The following MCC variants were observed in gnomAD, a reference collection of about 807,000 sequenced individuals.
MCC encodes the protein MCC regulator of Wnt signaling pathway.
Under a neutral mutation model 116.2 loss-of-function variants are expected in MCC, and 90 were observed. The observed-to-expected ratio is 0.77, with a 90% CI of 0.65 to 0.92. The LOEUF (loss-of-function observed/expected upper bound fraction) is 0.92. MCC is among the 40% of genes least tolerant of loss of function. The pLI is 0.00. For synonymous variants in MCC, 578 were observed against 510.5 expected (o/e 1.13, Z -1.78); for missense variants, 1,516 against 1,312.2 (o/e 1.16, Z -2.40).
chr5:113,030,385 A>C (rs1750871312), intron 17 of MCC, among the ~76,000 whole-genome samples: 1 of 152,174 alleles, frequency 6.6e-6, no homozygotes, highest in Non-Finnish European at 1.5e-5. Context: ...TATTTTTAAA[A>C]TGCAGATGGA....
In MCC at chr5:113,053,748, T is replaced by G. The variant is rs758707911; in HGVS notation, c.2425A>C (p.Met809Leu). The G allele has an allele frequency of 2.7e-5, 43 of 1,611,936 alleles. No homozygotes were observed. The highest frequency in any genetic ancestry group is 1.6e-4 in the Middle Eastern group (1 of 6,076). ...QRLDLENAVLMQELMAMKEEM... is the reference protein window; with the variant it reads ...QRLDLENAVLLQELMAMKEEM... Reference sequence around the variant, plus strand: ...ACCTTCATGGCCATGAGCTCCTGCATAAGCACTGCGTTTTCCAGATCCAGC... The same window carrying G: ...ACCTTCATGGCCATGAGCTCCTGCAGAAGCACTGCGTTTTCCAGATCCAGC... Residue 809 changes from methionine to leucine, a missense_variant, in exon 15 of 19, where the codon ATG becomes CTG. By Grantham distance (15) the Met-to-Leu change is conservative (BLOSUM62 2). Coordinates refer to ENST00000408903, the MANE Select transcript of MCC (RefSeq NM_001085377.2).
At chr5:113,233,543 T>C (rs560617302) in intron 3 of MCC, among the ~76,000 whole-genome samples, 2 of 152,178 alleles carry the variant, frequency 1.3e-5, no homozygotes, top group Non-Finnish European at 2.9e-5. Context: ...AACAATCTAA[T>C]GATTGAGAAA....
At position 113,234,561 on chromosome 5, in the gene MCC, T is replaced by C. The variant is rs1176022509; in HGVS notation, c.628-83139A>G. ...GGGAAGCCCCCCTAGACGGGCTTTTTACTAAACCCAAATCCCTCAAAAGAG... is the reference window on the plus strand; with the variant it reads ...GGGAAGCCCCCCTAGACGGGCTTTTCACTAAACCCAAATCCCTCAAAAGAG... On this transcript the variant is annotated intron_variant, in intron 3 of 18. Coordinates refer to ENST00000408903, the MANE Select transcript of MCC (RefSeq NM_001085377.2). 2.0e-5 allele frequency: 3 copies of C among 152,204 alleles called. No individual in the cohort carries two copies. In the East Asian group the frequency reaches 5.8e-4, roughly 29 times the overall value. 9.4% of individuals were successfully genotyped at this position (152,204 alleles called of 1,614,324 possible).
chr5:113,067,094 T>C (rs766973210), intron 13 of MCC, among the ~76,000 whole-genome samples: 1 of 152,182 alleles, frequency 6.6e-6, no homozygotes, highest in Non-Finnish European at 1.5e-5. Flanking sequence ...ATGCTGCCGC[T>C]TCCTAGAATG....
intron 3 of MCC, among the ~76,000 whole-genome samples, chr5:113,277,062 G>T (rs1490014940): frequency 6.6e-6 from 1 of 151,948 alleles, no homozygotes; most frequent in East Asian, 1.9e-4. Flanking sequence ...AGACATACCG[G>T]CCAGGCATGG....
chr5:113,123,460 C>T (rs1757852265), intron 5 of MCC, among the ~76,000 whole-genome samples: 1 of 152,210 alleles, frequency 6.6e-6, no homozygotes, highest in Non-Finnish European at 1.5e-5. Flanking sequence ...AATGAGAGAA[C>T]ACCATTCAAT....
rs748864205 is a variant in MCC, at chr5:113,071,217, T to G, written c.1802A>C (p.Lys601Thr). 6.2e-7 allele frequency: 1 copy of G among 1,614,120 alleles called. No homozygotes were observed. Among genetic ancestry groups the G allele is most frequent in the South Asian group, 1.1e-5 (1 of 91,044 alleles). ...ERLNSRIEHL[K>T]SQNDLLTITL... is the part of the protein sequence containing the mutation. ...TATGGTCAGGAGGTCATTTTGGGATTTGAGGTGCTCAATCCGGCTACAAAG... is the reference window on the plus strand; with the variant it reads ...TATGGTCAGGAGGTCATTTTGGGATGTGAGGTGCTCAATCCGGCTACAAAG... The change falls in exon 12 of 19, where the codon AAA becomes ACA. Residue 601 changes from lysine (K) to threonine (T), a missense_variant. Lys to Thr is a moderately conservative substitution (Grantham distance 78, BLOSUM62 -1). Coordinates refer to ENST00000408903, the MANE Select transcript of MCC (RefSeq NM_001085377.2).
At chr5:113,330,448 C>T (rs1260872540) in intron 3 of MCC, among the ~76,000 whole-genome samples, 1 of 152,194 alleles carries the variant, frequency 6.6e-6, no homozygotes, top group African/African-American at 2.4e-5. Context: ...AACCTTACTA[C>T]CCCAAAGTAG....
chr5:113,159,170 G>A (rs925868036), intron 3 of MCC, among the ~76,000 whole-genome samples: 7 of 152,072 alleles, frequency 4.6e-5, no homozygotes, highest in African/African-American at 1.4e-4. Context: ...TCTGTAGAAG[G>A]GTTTGTATCG....
At chr5:113,184,472 G>GTT (rs200787776) in intron 3 of MCC, among the ~76,000 whole-genome samples, 3,953 of 121,984 alleles carry the variant, frequency 0.032, 124 homozygotes, top group Non-Finnish European at 0.038. Flanking sequence ...TTCTTTCTTC[G>GTT]TTTTTTGTTT....
rs115008780 is a variant in MCC, at chr5:113,242,689, G to A, written c.628-91267C>T. On this transcript the variant is annotated intron_variant, in intron 3 of 18. Transcript: ENST00000408903. ...GCACTTCAAGAGGGTTATGAACAAG[G>A]AACATGACCACACGGGGGTAACCAG... Among the ~76,000 whole-genome samples, 77 of 152,162 alleles carry A rather than the reference G, an allele frequency of 5.1e-4. 2 individuals are homozygous for A. The highest frequency in any genetic ancestry group is 1.6e-3 in the African/African-American group (68 of 41,514).
chr5:113,103,870 C>T (rs555151176), intron 7 of MCC, among the ~76,000 whole-genome samples: 7 of 152,318 alleles, frequency 4.6e-5, no homozygotes, highest in Admixed American at 4.6e-4. Context: ...GCTAAACTTA[C>T]AGCTTACGAG....
chr5:113,471,461 C>G (rs986106440), intron 1 of MCC, among the ~76,000 whole-genome samples: 1 of 152,086 alleles, frequency 6.6e-6, no homozygotes, highest in Non-Finnish European at 1.5e-5. Context: ...GCCTGGGTAT[C>G]GGCAGCGGTG....
chr5:113,462,302 T>C (rs570211726), intron 1 of MCC, among the ~76,000 whole-genome samples: 1 of 152,278 alleles, frequency 6.6e-6, no homozygotes, highest in African/African-American at 2.4e-5. Context: ...ACAACTCTGA[T>C]CTCCAATTTG....
chr5:113,277,236 C>T (rs768470156), intron 3 of MCC, among the ~76,000 whole-genome samples: 34 of 151,544 alleles, frequency 2.2e-4, no homozygotes, highest in Non-Finnish European at 4.0e-4. Context: ...GACATCATGG[C>T]GGGCACCTGT....
At chr5:113,164,471 C>T (rs1365571289) in intron 3 of MCC, among the ~76,000 whole-genome samples, 1 of 152,128 alleles carries the variant, frequency 6.6e-6, no homozygotes, top group Non-Finnish European at 1.5e-5. Context: ...TCCTTGATCG[C>T]CCAGGGGCCC....
At chr5:113,312,837 A>C (rs1380390452) in intron 3 of MCC, among the ~76,000 whole-genome samples, 1 of 152,202 alleles carries the variant, frequency 6.6e-6, no homozygotes, top group East Asian at 1.9e-4. Context: ...CTATTTAGTC[A>C]ATGAACATTT....
chr5:113,274,687 T>A (rs1394538230), intron 3 of MCC, among the ~76,000 whole-genome samples: 1 of 152,116 alleles, frequency 6.6e-6, no homozygotes, highest in East Asian at 1.9e-4. Flanking sequence ...GTTAACAGAA[T>A]TGAGGCCAGA....
At chr5:113,078,127 G>C (rs1754589027) in intron 11 of MCC, among the ~76,000 whole-genome samples, 1 of 152,174 alleles carries the variant, frequency 6.6e-6, no homozygotes, top group Non-Finnish European at 1.5e-5. Flanking sequence ...TCCCTGAATA[G>C]GCCAATAACA....
Sources: allele counts gnomAD v4.1 joint callset (sites outside exome capture counted in the v4.1 genomes callset), GRCh38; gene constraint gnomAD v4.1.1; transcripts MANE v1.5; gene names NCBI Gene and HGNC (gene_info 2026-07-23, HGNC 2026-07-21).